Variants in GPSM2 observed in about 807,000 individuals in gnomAD.
GPSM2 encodes the protein G protein signaling modulator 2, also known as G protein-signaling modulator 2.
GPSM2 carries 58 observed loss-of-function variants against 78.4 expected under a neutral mutation model. The ratio of observed to expected loss-of-function variants is 0.74; its 90% CI spans 0.60 to 0.92. The LOEUF is 0.92. Among genes scored for constraint, GPSM2 ranks in the 40% least tolerant of loss-of-function variants. GPSM2 has a pLI of 0.00. For synonymous variants in GPSM2, 224 were observed against 280.2 expected (o/e 0.80, Z 2.00); for missense variants, 700 against 815.5 (o/e 0.86, Z 1.73).
At chr1:108,914,974 G>C (rs991877383) in intron 11 of GPSM2, among the ~76,000 whole-genome samples, 1 of 152,106 alleles carries the variant, frequency 6.6e-6, no homozygotes, top group Non-Finnish European at 1.5e-5. Flanking sequence ...CAGGAGAGGG[G>C]TGCACAGTAA....
At chr1:108,883,540 C>A (rs990912840) in intron 1 of GPSM2, among the ~76,000 whole-genome samples, 1 of 152,166 alleles carries the variant, frequency 6.6e-6, no homozygotes, top group Non-Finnish European at 1.5e-5. Flanking sequence ...TAACTGACCT[C>A]TAGGATTGTT....
chr1:108,904,330 C>T, intron 10 of GPSM2, 76 bp downstream of exon 10: 1 of 942,240 alleles, frequency 1.1e-6, no homozygotes, highest in Non-Finnish European at 1.7e-6. Context: ...ACAAATTTGG[C>T]ATATTCAGAG....
intron 14 of GPSM2, 130 bp from the exon 15 acceptor site, chr1:108,929,569 CAA>C: frequency 2.6e-6 from 2 of 776,296 alleles, no homozygotes; most frequent in Non-Finnish European, 2.2e-6. Context: ...AATATAAAAA[CAA>C]AGATTAATTT....
chr1:108,895,911 C>T (rs1340300311), intron 2 of GPSM2, among the ~76,000 whole-genome samples: 1 of 152,158 alleles, frequency 6.6e-6, no homozygotes, highest in Non-Finnish European at 1.5e-5. Context: ...ATCAAATTCA[C>T]AGTTTCATGA....
chr1:108,883,900 T>C (rs1647304048), intron 1 of GPSM2, among the ~76,000 whole-genome samples: 1 of 151,792 alleles, frequency 6.6e-6, no homozygotes, highest in Non-Finnish European at 1.5e-5. Flanking sequence ...TGAGGGTTTG[T>C]TGTTGTTGTT....
In GPSM2 at chr1:108,933,995, A is replaced by C. The variant is rs1652445908; in HGVS notation, c.*4055A>C. Reference sequence around the variant, plus strand: ...CTTCAATTGGTGGGGGAAAAGAATAAAGTCATTTTCAGTCGACTGACTCTG... The same window carrying C: ...CTTCAATTGGTGGGGGAAAAGAATACAGTCATTTTCAGTCGACTGACTCTG... On this transcript the variant is annotated 3_prime_UTR_variant, in exon 15 of 15. Transcript: ENST00000264126. 1 of 152,278 alleles carries C rather than the reference A, an allele frequency of 6.6e-6. No homozygotes were observed. Among genetic ancestry groups the C allele is most frequent in the Non-Finnish European group, 1.5e-5 (1 of 68,058 alleles). 9.4% of individuals were successfully genotyped at this position (152,278 alleles called of 1,614,324 possible).
At position 108,931,576 on chromosome 1, in the gene GPSM2, C is replaced by A; in HGVS notation, c.*1636C>A. On this transcript the variant is annotated 3_prime_UTR_variant, in exon 15 of 15. Coordinates refer to ENST00000264126, the MANE Select transcript of GPSM2 (RefSeq NM_013296.5). ...GCAAATAGAACTATTTCTCTAATGG[C>A]CAATGTTTTTTAAGAGTCATAACCT... 7.0e-7 allele frequency: 1 copy of A among 1,422,850 alleles called. No homozygotes were observed. The highest frequency in any genetic ancestry group is 9.3e-7 in the Non-Finnish European group (1 of 1,077,782). The allele number at this position is 1,422,850 out of a possible 1,614,324, so 88.1% of individuals were successfully genotyped here. A position where few individuals can be genotyped will look rare whatever the true frequency, so the allele number is the denominator to read the frequency against.
chr1:108,894,998 G>A (rs1341795008), intron 2 of GPSM2, among the ~76,000 whole-genome samples: 2 of 152,062 alleles, frequency 1.3e-5, no homozygotes, highest in African/African-American at 4.8e-5. Context: ...CATGTTAATT[G>A]ATCTACCACT....
intron 2 of GPSM2, among the ~76,000 whole-genome samples, chr1:108,886,635 A>G (rs1184716174): frequency 2.0e-5 from 3 of 152,200 alleles, no homozygotes; most frequent in African/African-American, 7.2e-5. Context: ...TTTCACAAAT[A>G]CAACACACTC....
In GPSM2 at chr1:108,924,164, G is replaced by A; in HGVS notation, c.1765G>A (p.Asp589Asn). The A allele has an allele frequency of 6.2e-7, 1 of 1,613,870 alleles. No individual in the cohort carries two copies. Among genetic ancestry groups the A allele is most frequent in the Non-Finnish European group, 8.5e-7 (1 of 1,179,802 alleles). ...QSVLSHLMTN[D>N]NKEADEDFFD... ...GGTACTTAGCCACCTGATGACTAAT[G>A]ACAACAAAGAGGCTGATGAAGATTT... The change falls in exon 14 of 15, where the codon GAC becomes AAC. Residue 589 changes from aspartate (D) to asparagine (N), a missense_variant. Asp to Asn is a conservative substitution (Grantham distance 23). Transcript: ENST00000264126.
Position 108,898,754 on chromosome 1 carries a change from G to T in GPSM2, c.670G>T (p.Ala224Ser). Residue 224 changes from alanine to serine, a missense_variant, in exon 6 of 15, where the codon GCT (alanine) becomes TCT (serine). By Grantham distance (99) the Ala-to-Ser change is moderately conservative. Coordinates refer to ENST00000264126, the MANE Select transcript of GPSM2 (RefSeq NM_013296.5). ...LLGNFRDAVI[A>S]HEQRLLIAKE... ...TGGCAACTTCAGGGATGCAGTTATA[G>T]CTCATGAGCAGGTACAGTGGAAAGC... The T allele has an allele frequency of 6.2e-7, 1 of 1,614,070 alleles. No individual in the cohort carries two copies. The highest frequency in any genetic ancestry group is 1.3e-5 in the African/African-American group (1 of 75,056).
intron 10 of GPSM2, among the ~76,000 whole-genome samples, chr1:108,909,399 A>G (rs1385738297): frequency 1.3e-5 from 2 of 152,232 alleles, no homozygotes; most frequent in African/African-American, 2.4e-5. Context: ...TGTATCACAC[A>G]TGCTCTGAGC....
At chr1:108,912,099 T>A (rs1282995789) in intron 10 of GPSM2, among the ~76,000 whole-genome samples, 2 of 152,118 alleles carry the variant, frequency 1.3e-5, no homozygotes, top group Admixed American at 1.3e-4. Flanking sequence ...TGCACCACCG[T>A]GCCCGGCTGA....
intron 10 of GPSM2, among the ~76,000 whole-genome samples, chr1:108,905,891 G>A (rs1421586520): frequency 6.6e-6 from 1 of 152,124 alleles, no homozygotes; most frequent in Non-Finnish European, 1.5e-5. Flanking sequence ...CTTAACTTTG[G>A]TTAATTAAAA....
Position 108,923,998 on chromosome 1 carries a change from AG to A in GPSM2, c.1601-1del. 6.3e-7 allele frequency: 1 copy of A among 1,587,306 alleles called. No homozygotes were observed. Among genetic ancestry groups the A allele is most frequent in the Non-Finnish European group, 8.7e-7 (1 of 1,155,712 alleles). On this transcript the variant is annotated splice_acceptor_variant, in intron 13 of 14. Transcript: ENST00000264126. LOFTEE classifies it high-confidence loss of function. Reference sequence around the variant, plus strand: ...TCTTTGGCTTTCTTCTTCTGTTCTTAGCATCATCTGTTCCTGTGGTATCCCC... The same window carrying A: ...TCTTTGGCTTTCTTCTTCTGTTCTTACATCATCTGTTCCTGTGGTATCCCC...
chr1:108,915,646 C>G (rs993483682), intron 11 of GPSM2, among the ~76,000 whole-genome samples: 1 of 151,660 alleles, frequency 6.6e-6, no homozygotes, highest in East Asian at 2.0e-4. Flanking sequence ...ACGATGGTCT[C>G]GATCTCCTGA....
In GPSM2 at chr1:108,923,095, C is replaced by T. The variant is rs184058382; in HGVS notation, c.1600+519C>T. Among the ~76,000 whole-genome samples the T allele has an allele frequency of 2.6e-5, 4 of 152,284 alleles. No individual in the cohort carries two copies. The South Asian group carries it at 6.2e-4, about 24-fold the overall frequency. On this transcript the variant is annotated intron_variant, in intron 13 of 14. Coordinates refer to ENST00000264126, the MANE Select transcript of GPSM2 (RefSeq NM_013296.5). ...CCAAGCTGGAGTGCCAGGCCATGAT[C>T]GTAGTCAGTGCAGCCTTGTCCTCTA...
At position 108,931,112 on chromosome 1, in the gene GPSM2, C is replaced by T; in HGVS notation, c.*1172C>T. The T allele has an allele frequency of 2.3e-6, 1 of 433,976 alleles. No homozygotes were observed. The highest frequency in any genetic ancestry group is 4.3e-5 in the East Asian group (1 of 23,100). 26.9% of individuals were successfully genotyped at this position (433,976 alleles called of 1,614,324 possible). On this transcript the variant is annotated 3_prime_UTR_variant, in exon 15 of 15. Coordinates refer to ENST00000264126, the MANE Select transcript of GPSM2 (RefSeq NM_013296.5). ...TTAAAAAAATTATTTAAAATGGTCT[C>T]TTCTGTTCCATAATACTGCTGTAAA... is the stretch of plus-strand genomic sequence containing the variant.
Position 108,929,811 on chromosome 1 carries a change from AATGG to A in GPSM2, c.1930_1933del (p.Asp644AsnfsTer18). On this transcript the variant is annotated frameshift_variant, in exon 15 of 15. Transcript: ENST00000264126. LOFTEE classifies it high-confidence loss of function. Reference sequence around the variant, plus strand: ...TTATTTTACGGTCCCAGGGAAAGAGAATGGATGAACAGAGAGTTCTTTTACAAAG... The same window carrying A: ...TTATTTTACGGTCCCAGGGAAAGAGAATGAACAGAGAGTTCTTTTACAAAG... 6.2e-7 allele frequency: 1 copy of A among 1,614,120 alleles called. No individual in the cohort carries two copies.
Sources: allele counts gnomAD v4.1 joint callset (sites outside exome capture counted in the v4.1 genomes callset), GRCh38; gene constraint gnomAD v4.1.1; transcripts MANE v1.5; gene names NCBI Gene and HGNC (gene_info 2026-07-23, HGNC 2026-07-21).